Variants in FA2H observed in about 807,000 individuals in gnomAD.
The protein encoded by FA2H is fatty acid alpha-hydroxylase.
FA2H carries 22 observed loss-of-function variants against 44.9 expected under a neutral mutation model. The observed-to-expected ratio is 0.49, with a 90% CI of 0.35 to 0.70. The LOEUF is 0.70. Among genes scored for constraint, FA2H ranks in the 30% least tolerant of loss-of-function variants. FA2H has a pLI of 0.01. For missense variants in FA2H, 501 were observed against 504.9 expected (o/e 0.99, Z 0.07); for synonymous variants, 243 against 213.2 (o/e 1.14, Z -1.22).
At chr16:74,719,306 T>C in intron 4 of FA2H, 146 bp from the exon 5 acceptor site, 1 of 699,866 alleles carries the variant, frequency 1.4e-6, no homozygotes. Flanking sequence ...GCTGGGGTCC[T>C]TGAGTCAAAA....
rs781542407 is a variant in FA2H at position 74,714,231 on chromosome 16, G to A, written c.1078C>T (p.His360Tyr). The A allele has an allele frequency of 5.7e-6, 9 of 1,565,934 alleles. No homozygotes were observed. The East Asian group carries it at 2.1e-4, about 37-fold the overall frequency. Residue 360 changes from histidine (H) to tyrosine (Y), a missense_variant, in exon 7 of 7, where the codon CAC (histidine) becomes TAC (tyrosine). His to Tyr is a moderately conservative substitution (Grantham distance 83, BLOSUM62 2). Transcript: ENST00000219368. ...ISTKLWDYCF[H>Y]TLTPEKPHLK... Reference sequence around the variant, plus strand: ...TGGGGTTTCTCTGGAGTGAGGGTGTGGAAACAGTAATCCCACAATTTAGTG... The same window carrying A: ...TGGGGTTTCTCTGGAGTGAGGGTGTAGAAACAGTAATCCCACAATTTAGTG...
At chr16:74,716,317 G>C in intron 6 of FA2H, 30 bp downstream of exon 6, 1 of 1,610,756 alleles carries the variant, frequency 6.2e-7, no homozygotes, top group Non-Finnish European at 8.5e-7. Context: ...AACACACATA[G>C]GGGGCTGGGA....
intron 2 of FA2H, among the ~76,000 whole-genome samples, chr16:74,728,577 G>A (rs1347331324): frequency 1.3e-5 from 2 of 152,060 alleles, no homozygotes; most frequent in Admixed American, 1.3e-4. Context: ...GAAAAAAGCT[G>A]CTGAAGGCTT....
At chr16:74,715,654 T>G (rs902673497) in intron 6 of FA2H, among the ~76,000 whole-genome samples, 1 of 152,226 alleles carries the variant, frequency 6.6e-6, no homozygotes, top group African/African-American at 2.4e-5. Flanking sequence ...TAAGTAAATG[T>G]TATTAAAATT....
intron 2 of FA2H, among the ~76,000 whole-genome samples, chr16:74,733,658 G>A (rs138626304): frequency 7.9e-4 from 120 of 152,312 alleles, no homozygotes; most frequent in Non-Finnish European, 5.3e-4. Context: ...GGCAGTTGGC[G>A]GGACCGGGTT....
chr16:74,718,310 TG>T (rs1961752515), intron 5 of FA2H, among the ~76,000 whole-genome samples: 1 of 152,092 alleles, frequency 6.6e-6, no homozygotes, highest in South Asian at 2.1e-4. Flanking sequence ...GGAGACGGGC[TG>T]GGGAACAGCC....
intron 6 of FA2H, among the ~76,000 whole-genome samples, chr16:74,715,099 A>C (rs564263534): frequency 6.6e-6 from 1 of 151,878 alleles, no homozygotes; most frequent in Admixed American, 6.6e-5. Context: ...CGGCCTCCTC[A>C]AGTGTGTTAC....
At chr16:74,731,352 A>T (rs1189490021) in intron 2 of FA2H, among the ~76,000 whole-genome samples, 2 of 145,492 alleles carry the variant, frequency 1.4e-5, no homozygotes, top group Non-Finnish European at 3.0e-5. Context: ...CATGTTGGCC[A>T]TGATGGTCTT....
At chr16:74,757,531 G>A (rs1470254918) in intron 1 of FA2H, among the ~76,000 whole-genome samples, 2 of 152,192 alleles carry the variant, frequency 1.3e-5, no homozygotes, top group Non-Finnish European at 2.9e-5. Flanking sequence ...CAAAGGGATT[G>A]TGTAAGAATG....
At chr16:74,726,853 GA>G in intron 3 of FA2H, among the ~76,000 whole-genome samples, 1 of 152,342 alleles carries the variant, frequency 6.6e-6, no homozygotes, top group South Asian at 2.1e-4. Flanking sequence ...TCCTGTCTCT[GA>G]GATGAGTTAC....
At chr16:74,740,201 G>A in intron 1 of FA2H, 86 bp from the exon 2 acceptor site, 1 of 1,089,930 alleles carries the variant, frequency 9.2e-7, no homozygotes, top group Non-Finnish European at 1.4e-6. Flanking sequence ...GAGGCAGCCA[G>A]GAGTGGTGAG....
chr16:74,760,567 T>A (rs114822849), intron 1 of FA2H, among the ~76,000 whole-genome samples: 1,653 of 151,884 alleles, frequency 0.011, 14 homozygotes, highest in Middle Eastern at 0.017. Context: ...AGGGAGTCAA[T>A]GACACGTCAG....
intron 3 of FA2H, 146 bp from the exon 4 acceptor site, chr16:74,726,477 C>G: frequency 1.7e-6 from 1 of 596,602 alleles, no homozygotes; most frequent in Non-Finnish European, 3.0e-6. Context: ...CAACCTCTGC[C>G]TCTGGGGTTC....
intron 2 of FA2H, among the ~76,000 whole-genome samples, chr16:74,739,203 G>C (rs532988827): frequency 1.3e-5 from 2 of 152,162 alleles, no homozygotes; most frequent in African/African-American, 2.4e-5. Flanking sequence ...GTGAGCTCTC[G>C]CAGGGAGGGG....
At position 74,713,071 on chromosome 16, in the gene FA2H, A is replaced by T. The variant is rs1001818788; in HGVS notation, c.*1119T>A. On this transcript the variant is annotated 3_prime_UTR_variant, in exon 7 of 7. Transcript: ENST00000219368. ...ATCTTTAAATAGCTCCGCAGCAAACAGTACAAATCACAAGGTCCGTCAAAC... is the reference window on the plus strand; with the variant it reads ...ATCTTTAAATAGCTCCGCAGCAAACTGTACAAATCACAAGGTCCGTCAAAC... 5.2e-5 allele frequency: 8 copies of T among 152,680 alleles called. No individual in the cohort carries two copies. Among genetic ancestry groups the T allele is most frequent in the Non-Finnish European group, 1.2e-4 (8 of 68,048 alleles). The allele number at this position is 152,680 out of a possible 1,614,324, so 9.5% of individuals were successfully genotyped here. A position where few individuals can be genotyped will look rare whatever the true frequency, so the allele number is the denominator to read the frequency against.
chr16:74,720,218 TAG>T (rs1235849243), intron 4 of FA2H, among the ~76,000 whole-genome samples: 1 of 117,098 alleles, frequency 8.5e-6, no homozygotes, highest in African/African-American at 3.5e-5. Context: ...TTTTGTGAGA[TAG>T]AGTCTTGCTC....
At chr16:74,727,416 G>A in intron 2 of FA2H, 30 bp from the exon 3 acceptor site, 1 of 1,612,058 alleles carries the variant, frequency 6.2e-7, no homozygotes, top group African/African-American at 1.3e-5. Flanking sequence ...GTGGACGTTT[G>A]ATATTCACGT....
chr16:74,716,244 C>T lies in FA2H; in HGVS notation c.1039+103G>A, dbSNP rs7192551. 126 of 1,362,202 alleles carry T rather than the reference C, an allele frequency of 9.2e-5. 1 individual carries two copies. The South Asian group carries it at 1.5e-3, about 16-fold the overall frequency. The allele number at this position is 1,362,202 out of a possible 1,614,324, so 84.4% of individuals were successfully genotyped here. A position where few individuals can be genotyped will look rare whatever the true frequency, so the allele number is the denominator to read the frequency against. Reference sequence around the variant, plus strand: ...TAGAGGGAACCCTCTGTATATGCCCCGTACATGGAACAGTGCCTTGCCGTT... The same window carrying T: ...TAGAGGGAACCCTCTGTATATGCCCTGTACATGGAACAGTGCCTTGCCGTT... On this transcript the variant is annotated intron_variant, in intron 6 of 6. Transcript: ENST00000219368.
intron 4 of FA2H, among the ~76,000 whole-genome samples, chr16:74,722,778 G>T (rs1354599062): frequency 6.6e-6 from 1 of 152,150 alleles, no homozygotes; most frequent in Non-Finnish European, 1.5e-5. Context: ...GGTCATGGTG[G>T]TGCATGCCTG....
Sources: allele counts gnomAD v4.1 joint callset (sites outside exome capture counted in the v4.1 genomes callset), GRCh38; gene constraint gnomAD v4.1.1; transcripts MANE v1.5; gene names NCBI Gene and HGNC (gene_info 2026-07-23, HGNC 2026-07-21).